Variants in PRKCD observed in about 807,000 individuals in gnomAD.
The protein encoded by PRKCD is protein kinase C delta type.
PRKCD carries 20 observed loss-of-function variants against 82.2 expected under a neutral mutation model. That is an observed-to-expected ratio of 0.24 (90% CI 0.17 to 0.35). PRKCD has a LOEUF of 0.35. Ranked by LOEUF, PRKCD falls within the 10% of genes least tolerant of loss-of-function variation. The pLI is 1.00. For missense variants in PRKCD, 607 were observed against 899.0 expected (o/e 0.68, Z 4.15); for synonymous variants, 317 against 337.0 (o/e 0.94, Z 0.65).
chr3:53,184,485 G>C (rs1703595697), intron 9 of PRKCD, among the ~76,000 whole-genome samples: 1 of 152,050 alleles, frequency 6.6e-6, no homozygotes, highest in Non-Finnish European at 1.5e-5. Context: ...AGACCAGCCT[G>C]GCTAACATGG....
At chr3:53,188,187 C>CAAAAAAAAAAAAAAAAAAAAA (rs557772373) in intron 15 of PRKCD, among the ~76,000 whole-genome samples, 1 of 45,588 alleles carries the variant, frequency 2.2e-5, no homozygotes. Context: ...GACTGTGTCT[C>CAAAAAAAAAAAAAAAAAAAAA]AAAAAAAAAA....
At chr3:53,183,251 C>T in intron 8 of PRKCD, 45 bp downstream of exon 8, 1 of 1,602,530 alleles carries the variant, frequency 6.2e-7, no homozygotes, top group Non-Finnish European at 8.5e-7. Context: ...GGGGGCTTGG[C>T]CAGATGGGAG....
At chr3:53,182,118 G>C (rs1490768674) in intron 7 of PRKCD, 4 of 396,708 alleles carry the variant, frequency 1.0e-5, no homozygotes, top group Non-Finnish European at 2.0e-5. Context: ...TGAGTACACA[G>C]GTGTGAGCAC....
intron 2 of PRKCD, among the ~76,000 whole-genome samples, chr3:53,166,040 G>A (rs1702821265): frequency 6.6e-6 from 1 of 152,182 alleles, no homozygotes; most frequent in African/African-American, 2.4e-5. Flanking sequence ...TGGGGGGATA[G>A]CAAAGACCGT....
At position 53,178,413 on chromosome 3, in the gene PRKCD, A is replaced by G; in HGVS notation, c.-10A>G. 6.2e-7 allele frequency: 1 copy of G among 1,607,830 alleles called. No individual in the cohort carries two copies. The highest frequency in any genetic ancestry group is 1.1e-5 in the South Asian group (1 of 90,806). On this transcript the variant is annotated 5_prime_UTR_variant, in exon 3 of 19. Coordinates refer to ENST00000330452, the MANE Select transcript of PRKCD (RefSeq NM_006254.4). The stretch of plus-strand genomic sequence containing the variant: ...CCCTCTGTGTGCACAGCCCCACTGC[A>G]GGCCCCACCATGGCGCCGTTCCTGC...
intron 8 of PRKCD, 98 bp downstream of exon 8, chr3:53,183,304 C>T: frequency 6.4e-7 from 1 of 1,552,730 alleles, no homozygotes; most frequent in Admixed American, 1.7e-5. Flanking sequence ...AGCTTACCCT[C>T]CCTCCCCATT....
chr3:53,177,433 G>A (rs1471510825), intron 2 of PRKCD, among the ~76,000 whole-genome samples: 2 of 152,244 alleles, frequency 1.3e-5, no homozygotes, highest in Non-Finnish European at 2.9e-5. Context: ...TCCCTGAACA[G>A]AGTGGGTGCC....
chr3:53,179,045 A>C (rs569938911), intron 3 of PRKCD, among the ~76,000 whole-genome samples: 1 of 152,132 alleles, frequency 6.6e-6, no homozygotes, highest in African/African-American at 2.4e-5. Context: ...GTGAACCCCT[A>C]TTTGTCCCTC....
At chr3:53,187,533 A>G in intron 15 of PRKCD, 131 bp downstream of exon 15, 2 of 1,068,648 alleles carry the variant, frequency 1.9e-6, no homozygotes, top group Non-Finnish European at 2.7e-6. Context: ...TTAGCTGGGT[A>G]TTTGCCTATG....
At position 53,181,682 on chromosome 3, in the gene PRKCD, C is replaced by A. The variant is rs539861622; in HGVS notation, c.540-19C>A. 1.2e-6 allele frequency: 2 copies of A among 1,612,402 alleles called. No homozygotes were observed. Among genetic ancestry groups the A allele is most frequent in the South Asian group, 2.2e-5 (2 of 91,078 alleles). On this transcript the variant is annotated intron_variant, in intron 6 of 18. Coordinates refer to ENST00000330452, the MANE Select transcript of PRKCD (RefSeq NM_006254.4). ...TCCCGGTCCCCGCTCACTCACTTTG[C>A]CTGGGTTTTGCCTTTCAGGGGCCTC...
intron 2 of PRKCD, among the ~76,000 whole-genome samples, chr3:53,176,575 G>A (rs561738910): frequency 6.6e-5 from 10 of 152,376 alleles, no homozygotes; most frequent in East Asian, 1.9e-4. Flanking sequence ...GCACAAAATC[G>A]AATGAGCGCT....
intron 4 of PRKCD, among the ~76,000 whole-genome samples, chr3:53,180,076 A>G (rs1346094035): frequency 6.6e-6 from 1 of 152,240 alleles, no homozygotes; most frequent in African/African-American, 2.4e-5. Context: ...GAGCAGCTGG[A>G]TGTACAGGGC....
At chr3:53,168,662 G>A (rs763173167) in intron 2 of PRKCD, among the ~76,000 whole-genome samples, 7 of 152,052 alleles carry the variant, frequency 4.6e-5, no homozygotes, top group Non-Finnish European at 5.9e-5. Context: ...ACGATGGGAA[G>A]GAGCCACTGT....
chr3:53,185,554 T>C (rs368514318), intron 10 of PRKCD, 50 bp from the exon 11 acceptor site: 1 of 1,502,724 alleles, frequency 6.7e-7, no homozygotes, highest in African/African-American at 1.4e-5. Flanking sequence ...GGGCTGGGAG[T>C]TCTGATAATG....
At chr3:53,174,761 C>T (rs187829181) in intron 2 of PRKCD, among the ~76,000 whole-genome samples, 1 of 152,316 alleles carries the variant, frequency 6.6e-6, no homozygotes, top group Admixed American at 6.5e-5. Flanking sequence ...GAGGTTGGGT[C>T]TGACGCTATG....
chr3:53,186,320 A>C lies in PRKCD; in HGVS notation c.1240A>C (p.Ile414Leu). Residue 414 changes from isoleucine (I) to leucine (L), a missense_variant, in exon 13 of 19, where the codon ATC becomes CTC. Around this residue, in one of 5 missense-constraint regions of PRKCD, gnomAD observed 251 missense variants for 423.9 expected, o/e 0.59. Transcript: ENST00000330452. ...AGAGAATCCCTTTCTCACCCACCTC[A>C]TCTGCACCTTCCAGACCAAGGTGCC... Reference protein sequence around the residue: ...AAENPFLTHLICTFQTKDHLF... With the variant: ...AAENPFLTHLLCTFQTKDHLF... The C allele has an allele frequency of 6.2e-7, 1 of 1,614,070 alleles. No individual in the cohort carries two copies. The highest frequency in any genetic ancestry group is 1.1e-5 in the South Asian group (1 of 91,090).
chr3:53,188,655 TG>T (rs1703802488), intron 15 of PRKCD, 64 bp from the exon 16 acceptor site: 18 of 1,595,750 alleles, frequency 1.1e-5, no homozygotes, highest in Admixed American at 3.4e-5. Flanking sequence ...AATTAGGACA[TG>T]GGGGGCAGGG....
chr3:53,181,085 G>A, intron 4 of PRKCD, 122 bp from the exon 5 acceptor site: 1 of 1,040,316 alleles, frequency 9.6e-7, no homozygotes, highest in Non-Finnish European at 1.4e-6. Flanking sequence ...ACAAGTGTCT[G>A]GCTAGGCCTT....
At position 53,186,645 on chromosome 3, in the gene PRKCD, C is replaced by T; in HGVS notation, c.1302C>T (p.Asp434=). The change falls in exon 14 of 19, where the codon GAC becomes GAT. Residue 434 remains aspartate (D), a synonymous_variant. Coordinates refer to ENST00000330452, the MANE Select transcript of PRKCD (RefSeq NM_006254.4). The part of the protein sequence containing the change: ...FFVMEFLNGG[D]LMYHIQDKGR... ...TGATGGAGTTCCTCAACGGGGGGGA[C>T]CTGATGTACCACATCCAGGACAAAG... The T allele has an allele frequency of 1.2e-6, 2 of 1,614,022 alleles. No individual in the cohort carries two copies. Among genetic ancestry groups the T allele is most frequent in the South Asian group, 2.2e-5 (2 of 91,070 alleles).
Sources: allele counts gnomAD v4.1 joint callset (sites outside exome capture counted in the v4.1 genomes callset), GRCh38; gene constraint gnomAD v4.1.1; regional missense constraint gnomAD v4.1.1; transcripts MANE v1.5; gene names NCBI Gene and HGNC (gene_info 2026-07-23, HGNC 2026-07-21).